The following RASA1 variants were observed in gnomAD, a reference collection of about 807,000 sequenced individuals.
RASA1 encodes RAS p21 protein activator 1, also known as ras GTPase-activating protein 1.
A neutral mutation model predicts 132.2 loss-of-function variants in RASA1; 25 were observed. That is an observed-to-expected ratio of 0.19 (90% CI 0.14 to 0.26). The LOEUF (loss-of-function observed/expected upper bound fraction) is 0.26, where lower values mean the gene tolerates loss of function less well. Among genes scored for constraint, RASA1 ranks in the 10% least tolerant of loss-of-function variants. The pLI is 1.00. For synonymous variants in RASA1, 477 were observed against 449.9 expected (o/e 1.06, Z -0.76); for missense variants, 964 against 1,299.2 (o/e 0.74, Z 3.97).
At chr5:87,325,990 G>C (rs1004675005) in intron 1 of RASA1, among the ~76,000 whole-genome samples, 3 of 151,222 alleles carry the variant, frequency 2.0e-5, no homozygotes, top group Non-Finnish European at 4.4e-5. Flanking sequence ...TATTTCCCCT[G>C]TGACAGGGTC....
chr5:87,293,101 T>C (rs1379927932), intron 1 of RASA1, among the ~76,000 whole-genome samples: 1 of 152,166 alleles, frequency 6.6e-6, no homozygotes, highest in Admixed American at 6.5e-5. Context: ...CTTTTTCCTT[T>C]TTCTGTTTTA....
intron 7 of RASA1, among the ~76,000 whole-genome samples, chr5:87,346,974 A>G (rs187382590): frequency 7.2e-5 from 11 of 152,080 alleles, no homozygotes; most frequent in Admixed American, 6.6e-4. Flanking sequence ...ACTAGGTGAC[A>G]GTTTTTTTTC....
chr5:87,268,363 C>A lies in RASA1; in HGVS notation c.-89C>A. 1 of 1,409,498 alleles carries A rather than the reference C, an allele frequency of 7.1e-7. No homozygotes were observed. Among genetic ancestry groups the A allele is most frequent in the Non-Finnish European group, 9.4e-7 (1 of 1,067,784 alleles). 87.3% of individuals were successfully genotyped at this position (1,409,498 alleles called of 1,614,324 possible). On this transcript the variant is annotated 5_prime_UTR_variant, in exon 1 of 25. Transcript: ENST00000274376. ...AGCCTGGGGAGCTGAAGGGGAGACG[C>A]GTCTGGGTGGGGCTGCTCGGAGCCC...
chr5:87,336,572 T>G (rs1347506220), intron 4 of RASA1, among the ~76,000 whole-genome samples: 1 of 152,150 alleles, frequency 6.6e-6, no homozygotes, highest in African/African-American at 2.4e-5. Context: ...GAGTTATGAT[T>G]AGATTGTATT....
Position 87,374,867 on chromosome 5 carries a change from T to C in RASA1, c.1962T>C (p.Phe654=). The change falls in exon 15 of 25, where the codon TTT becomes TTC. Residue 654 remains phenylalanine, a synonymous_variant. Coordinates refer to ENST00000274376, the MANE Select transcript of RASA1 (RefSeq NM_002890.3). The part of the protein sequence containing the change: ...FDDLPPDINR[F]EITLSNKTKK... Reference sequence around the variant, plus strand: ...ATCTTCCTCCTGACATCAATAGATTTGAAATAACTCTTAGTAATAAAACAA... The same window carrying C: ...ATCTTCCTCCTGACATCAATAGATTCGAAATAACTCTTAGTAATAAAACAA... 1 of 1,609,874 alleles carries C rather than the reference T, an allele frequency of 6.2e-7. No individual in the cohort carries two copies. Among genetic ancestry groups the C allele is most frequent in the Non-Finnish European group, 8.5e-7 (1 of 1,177,934 alleles).
At chr5:87,314,167 C>G (rs761995825) in intron 1 of RASA1, among the ~76,000 whole-genome samples, 6 of 152,066 alleles carry the variant, frequency 3.9e-5, no homozygotes, top group Admixed American at 6.5e-5. Context: ...GAGCAAAACT[C>G]TGTCTCAAAA....
chr5:87,268,966 C>T lies in RASA1; in HGVS notation c.515C>T (p.Pro172Leu), dbSNP rs776808856. ...PEYEEEEVAI[P>L]LTAPPTNQWY... ...TACGAGGAGGAAGAGGTGGCCATAC[C>T]GTTGACCGCTCCTCCAACTAACCAG... The change falls in exon 1 of 25, where the codon CCG becomes CTG. Residue 172 changes from proline to leucine, a missense_variant. Around this residue, in one of 6 missense-constraint regions of RASA1, gnomAD observed 326 missense variants for 275.8 expected, o/e 1.18. Coordinates refer to ENST00000274376, the MANE Select transcript of RASA1 (RefSeq NM_002890.3). The T allele has an allele frequency of 6.2e-7, 1 of 1,614,182 alleles. No homozygotes were observed. The highest frequency in any genetic ancestry group is 2.2e-5 in the East Asian group (1 of 44,884).
chr5:87,326,039 T>A (rs1023212220), intron 1 of RASA1, among the ~76,000 whole-genome samples: 10 of 152,034 alleles, frequency 6.6e-5, no homozygotes, highest in Non-Finnish European at 1.0e-4. Context: ...TGGCACAATC[T>A]TGTCTCACTT....
At chr5:87,281,055 A>T (rs1754296484) in intron 1 of RASA1, among the ~76,000 whole-genome samples, 2 of 151,914 alleles carry the variant, frequency 1.3e-5, no homozygotes, top group Non-Finnish European at 2.9e-5. Context: ...CACATGGTAT[A>T]TAAATATCTG....
intron 1 of RASA1, among the ~76,000 whole-genome samples, chr5:87,313,317 G>A (rs1756061378): frequency 6.6e-6 from 1 of 152,166 alleles, no homozygotes; most frequent in South Asian, 2.1e-4. Flanking sequence ...TCCTTGAAGG[G>A]AAGAGTGATA....
At position 87,353,209 on chromosome 5, in the gene RASA1, T is replaced by A. The variant is rs1239725761; in HGVS notation, c.1306T>A (p.Tyr436Asn). ...AAAAGAACAGATTGTTGAAGGATAT[T>A]ATCTTAAGGAACCTGTACCAATGCA... ...YRKEQIVEGY[Y>N]LKEPVPMQDQ... The change falls in exon 9 of 25, where the codon TAT (tyrosine) becomes AAT (asparagine). Residue 436 changes from tyrosine to asparagine, a missense_variant. Tyr to Asn is a moderately radical substitution (Grantham distance 143, BLOSUM62 -2). This residue lies in a region of RASA1 where 154 missense variants were observed against 286.5 expected (regional missense o/e 0.54). Coordinates refer to ENST00000274376, the MANE Select transcript of RASA1 (RefSeq NM_002890.3). 6.2e-7 allele frequency: 1 copy of A among 1,609,544 alleles called. No homozygotes were observed. The highest frequency in any genetic ancestry group is 1.3e-5 in the African/African-American group (1 of 74,762).
At chr5:87,372,301 A>G (rs2112480426) in intron 13 of RASA1, 106 bp downstream of exon 13, 1 of 1,013,752 alleles carries the variant, frequency 9.9e-7, no homozygotes, top group East Asian at 2.6e-5. Flanking sequence ...TATGGGGTTA[A>G]GCCATGCTGC....
At chr5:87,324,386 T>A (rs942720252) in intron 1 of RASA1, among the ~76,000 whole-genome samples, 1 of 152,192 alleles carries the variant, frequency 6.6e-6, no homozygotes, top group Non-Finnish European at 1.5e-5. Flanking sequence ...ACTAGGGTGA[T>A]GGGAGTTAAA....
At chr5:87,332,430 TA>T in intron 2 of RASA1, 76 bp from the exon 3 acceptor site, 1 of 1,403,088 alleles carries the variant, frequency 7.1e-7, no homozygotes, top group Non-Finnish European at 1.0e-6. Flanking sequence ...TATGGATTTA[TA>T]ATTTCTTTAT....
intron 1 of RASA1, among the ~76,000 whole-genome samples, chr5:87,309,273 T>C (rs1031425466): frequency 3.3e-5 from 5 of 152,076 alleles, no homozygotes; most frequent in African/African-American, 1.2e-4. Flanking sequence ...ATACAATAAA[T>C]ATGATACATA....
chr5:87,331,594 T>C, intron 2 of RASA1, 94 bp downstream of exon 2: 1 of 1,334,970 alleles, frequency 7.5e-7, no homozygotes, highest in South Asian at 1.2e-5. Context: ...AATGACTCAG[T>C]AACAAATAAT....
intron 21 of RASA1, among the ~76,000 whole-genome samples, chr5:87,384,422 T>G (rs1761931259): frequency 6.6e-6 from 1 of 152,148 alleles, no homozygotes; most frequent in Admixed American, 6.6e-5. Context: ...CAGTAGGAAC[T>G]GGAACCATTT....
intron 9 of RASA1, among the ~76,000 whole-genome samples, chr5:87,356,791 G>A (rs995425552): frequency 4.6e-5 from 7 of 152,134 alleles, no homozygotes; most frequent in Admixed American, 2.6e-4. Flanking sequence ...CGTGCACTGC[G>A]AAACCAAAAA....
intron 1 of RASA1, among the ~76,000 whole-genome samples, chr5:87,322,333 C>T (rs1756885809): frequency 6.6e-6 from 1 of 152,276 alleles, no homozygotes; most frequent in Admixed American, 6.5e-5. Context: ...CACAGGAGCG[C>T]AAACCCTATT....
Sources: allele counts gnomAD v4.1 joint callset (sites outside exome capture counted in the v4.1 genomes callset), GRCh38; gene constraint gnomAD v4.1.1; regional missense constraint gnomAD v4.1.1; transcripts MANE v1.5; gene names NCBI Gene and HGNC (gene_info 2026-07-23, HGNC 2026-07-21).